Variants in GRHL2 observed in about 807,000 individuals in gnomAD.
GRHL2 encodes grainyhead-like protein 2 homolog.
A neutral mutation model predicts 83.8 loss-of-function variants in GRHL2; 21 were observed. That is an observed-to-expected ratio of 0.25 (90% CI 0.18 to 0.36). The LOEUF (loss-of-function observed/expected upper bound fraction) is 0.36, where lower values mean the gene tolerates loss of function less well. Among genes scored for constraint, GRHL2 ranks in the 10% least tolerant of loss-of-function variants. The pLI is 1.00. For synonymous variants in GRHL2, 280 were observed against 278.9 expected (o/e 1.00, Z -0.04); for missense variants, 623 against 781.8 (o/e 0.80, Z 2.42).
intron 14 of GRHL2, among the ~76,000 whole-genome samples, chr8:101,658,130 G>A (rs770711437): frequency 6.6e-6 from 1 of 152,180 alleles, no homozygotes; most frequent in Non-Finnish European, 1.5e-5. Context: ...ACTGTCCCAG[G>A]GTGGCACATT....
At chr8:101,634,686 G>A (rs890321833) in intron 11 of GRHL2, among the ~76,000 whole-genome samples, 1 of 152,206 alleles carries the variant, frequency 6.6e-6, no homozygotes, top group Non-Finnish European at 1.5e-5. Flanking sequence ...CTCATGGCCA[G>A]TGAGGCACCC....
At chr8:101,534,949 A>G (rs569511126) in intron 1 of GRHL2, among the ~76,000 whole-genome samples, 89 of 152,204 alleles carry the variant, frequency 5.8e-4, no homozygotes, top group Non-Finnish European at 1.2e-3. Context: ...TCACGGCCCA[A>G]TTAGAGGGCA....
chr8:101,597,206 A>C (rs1439397402), intron 7 of GRHL2, among the ~76,000 whole-genome samples: 1 of 152,166 alleles, frequency 6.6e-6, no homozygotes, highest in Admixed American at 6.5e-5. Context: ...GTGATCAGTC[A>C]TCAGTTCAGC....
rs1396473558 is a variant in GRHL2, at chr8:101,522,738, C to CATATACATATACATATACAT, written c.21-20498_21-20497insCATATACATATACATATATA. On this transcript the variant is annotated intron_variant, in intron 1 of 15. Transcript: ENST00000646743. ...AAGTATGTTTATACATATACATATA[C>CATATACATATACATATACAT]ATATATATATATACACACACATATA... is the stretch of plus-strand genomic sequence containing the variant. 9.0e-3 allele frequency among the ~76,000 whole-genome samples: 1,223 copies of CATATACATATACATATACAT among 135,252 alleles called. 19 individuals carry two copies. Among genetic ancestry groups the CATATACATATACATATACAT allele is most frequent in the African/African-American group, 0.033 (1,159 of 35,032 alleles). 88.7% of individuals were successfully genotyped at this position (135,252 alleles called of 152,430 possible). A position where few individuals can be genotyped will look rare whatever the true frequency, so the allele number is the denominator to read the frequency against.
In GRHL2 at chr8:101,647,293, A is replaced by T. The variant is rs1351610800; in HGVS notation, c.1613-2121A>T. 4.6e-5 allele frequency among the ~76,000 whole-genome samples: 7 copies of T among 152,326 alleles called. No homozygotes were observed. In the East Asian group the frequency reaches 1.4e-3, roughly 29 times the overall value. ...GGCATGAGACTCACTTGAACCTGGG[A>T]GGCAGAGGTTGCAGTGAGCTGAGAT... On this transcript the variant is annotated intron_variant, in intron 13 of 15. Transcript: ENST00000646743.
At chr8:101,566,687 T>TC (rs1811725713) in intron 4 of GRHL2, among the ~76,000 whole-genome samples, 1 of 151,144 alleles carries the variant, frequency 6.6e-6, no homozygotes, top group Non-Finnish European at 1.5e-5. Flanking sequence ...CTTATGATCC[T>TC]CCCCCATACA....
At chr8:101,497,010 G>C (rs1037230701) in intron 1 of GRHL2, among the ~76,000 whole-genome samples, 1 of 152,192 alleles carries the variant, frequency 6.6e-6, no homozygotes, top group African/African-American at 2.4e-5. Flanking sequence ...CTTGTAAGTG[G>C]TCTTGGTAAT....
intron 3 of GRHL2, among the ~76,000 whole-genome samples, chr8:101,557,617 C>G (rs1448126124): frequency 1.3e-5 from 2 of 152,158 alleles, no homozygotes; most frequent in African/African-American, 4.8e-5. Flanking sequence ...TTGTTCAGGT[C>G]AAGATCCAAA....
chr8:101,522,276 AAATAATAAC>A (rs1246204980), intron 1 of GRHL2, among the ~76,000 whole-genome samples: 5 of 152,148 alleles, frequency 3.3e-5, no homozygotes, highest in East Asian at 1.9e-4. Context: ...GTCAGAAAAA[AAATAATAAC>A]AATAATAACA....
Position 101,667,358 on chromosome 8 carries a change from G to GTAAT in GRHL2, c.*656_*659dup, listed in dbSNP as rs1297107150. 6.5e-6 allele frequency: 1 copy of GTAAT among 154,934 alleles called. No individual in the cohort carries two copies. Among genetic ancestry groups the GTAAT allele is most frequent in the East Asian group, 1.9e-4 (1 of 5,264 alleles). 9.6% of individuals were successfully genotyped at this position (154,934 alleles called of 1,614,324 possible). ...CATTGTACATAGTGTTTATAATATT[G>GTAAT]TAATAATATATTTTACCTGTGGTAT... On this transcript the variant is annotated 3_prime_UTR_variant, in exon 16 of 16. Transcript: ENST00000646743.
At chr8:101,532,029 T>C (rs1810939543) in intron 1 of GRHL2, among the ~76,000 whole-genome samples, 1 of 152,256 alleles carries the variant, frequency 6.6e-6, no homozygotes, top group East Asian at 1.9e-4. Context: ...ATAGCCATCT[T>C]TAACGTGAAG....
At position 101,625,934 on chromosome 8, in the gene GRHL2, C is replaced by T. The variant is rs147669217; in HGVS notation, c.1258-5703C>T. 4.2e-3 allele frequency among the ~76,000 whole-genome samples: 636 copies of T among 151,990 alleles called. 5 individuals carry two copies. The highest frequency in any genetic ancestry group is 0.014 in the African/African-American group (593 of 41,508). ...ATCATAAGGAAGAAATCTCACGAGT[C>T]CTGCAGGGTGTATTCATCGTAATTA... On this transcript the variant is annotated intron_variant, in intron 9 of 15. Coordinates refer to ENST00000646743, the MANE Select transcript of GRHL2 (RefSeq NM_024915.4).
At chr8:101,542,570 G>A (rs1401763321) in intron 1 of GRHL2, among the ~76,000 whole-genome samples, 1 of 146,176 alleles carries the variant, frequency 6.8e-6, no homozygotes, top group Admixed American at 6.9e-5. Context: ...AAAAAAAAAA[G>A]AATAAATAAA....
At chr8:101,577,073 G>GA (rs998349122) in intron 6 of GRHL2, among the ~76,000 whole-genome samples, 2 of 150,982 alleles carry the variant, frequency 1.3e-5, no homozygotes, top group South Asian at 4.2e-4. Flanking sequence ...TCCAATACAA[G>GA]AAAAAAAAAT....
At chr8:101,630,996 CAG>C (rs1326449331) in intron 9 of GRHL2, among the ~76,000 whole-genome samples, 16 of 152,006 alleles carry the variant, frequency 1.1e-4, no homozygotes, top group Admixed American at 3.9e-4. Flanking sequence ...ATTGCAAAAA[CAG>C]AGGAGCAAAA....
chr8:101,608,291 A>G (rs1181186803), intron 8 of GRHL2, among the ~76,000 whole-genome samples: 1 of 152,238 alleles, frequency 6.6e-6, no homozygotes, highest in Non-Finnish European at 1.5e-5. Flanking sequence ...GTTCTGAAGC[A>G]TGTGCTCTTT....
chr8:101,562,660 G>A (rs1586097879), intron 4 of GRHL2, among the ~76,000 whole-genome samples: 1 of 152,164 alleles, frequency 6.6e-6, no homozygotes, highest in Non-Finnish European at 1.5e-5. Flanking sequence ...TCATTGAATT[G>A]CCTTGGGATC....
chr8:101,591,791 C>T lies in GRHL2; in HGVS notation c.1004-7266C>T, dbSNP rs7002631. ...AGGCTTCACATAGGCTTGGCATGAGCTTGTAAGTTCTCTGTTTGTGGCAGT... is the reference window on the plus strand; with the variant it reads ...AGGCTTCACATAGGCTTGGCATGAGTTTGTAAGTTCTCTGTTTGTGGCAGT... On this transcript the variant is annotated intron_variant, in intron 7 of 15. Transcript: ENST00000646743. 5.1e-3 allele frequency among the ~76,000 whole-genome samples: 771 copies of T among 152,262 alleles called. 12 individuals carry two copies. Among genetic ancestry groups the T allele is most frequent in the East Asian group, 0.047 (241 of 5,170 alleles).
At chr8:101,537,384 G>T (rs185990491) in intron 1 of GRHL2, among the ~76,000 whole-genome samples, 1 of 152,164 alleles carries the variant, frequency 6.6e-6, no homozygotes, top group Admixed American at 6.5e-5. Flanking sequence ...AGGAAAGAAT[G>T]GTTGGCTAAA....
Sources: allele counts gnomAD v4.1 joint callset (sites outside exome capture counted in the v4.1 genomes callset), GRCh38; gene constraint gnomAD v4.1.1; transcripts MANE v1.5; gene names NCBI Gene and HGNC (gene_info 2026-07-23, HGNC 2026-07-21).